BARD1: variants seen among roughly 807,000 people sequenced by gnomAD.
BARD1 encodes the protein BRCA1-associated RING domain protein 1.
Under a neutral mutation model 77.0 loss-of-function variants are expected in BARD1, and 73 were observed. The observed-to-expected ratio is 0.95, with a 90% CI of 0.79 to 1.15. The LOEUF is 1.15. Among genes scored for constraint, BARD1 ranks in the 50% most tolerant of loss-of-function variants. BARD1 has a pLI of 0.00. For missense variants in BARD1, 993 were observed against 938.8 expected (o/e 1.06, Z -0.75); for synonymous variants, 384 against 338.0 (o/e 1.14, Z -1.49).
chr2:214,731,120 T>C (rs999761292), intron 9 of BARD1: 1 of 219,100 alleles, frequency 4.6e-6, no homozygotes, highest in African/African-American at 2.4e-5. Flanking sequence ...TAGAGATGAT[T>C]TGATTGGGCT....
chr2:214,767,242 T>C (rs1417306909), intron 6 of BARD1, among the ~76,000 whole-genome samples: 1 of 152,212 alleles, frequency 6.6e-6, no homozygotes. Flanking sequence ...TTCCCAATTA[T>C]TTTTGATCTG....
intron 1 of BARD1, among the ~76,000 whole-genome samples, chr2:214,808,206 G>A (rs556975726): frequency 2.6e-5 from 4 of 152,300 alleles, no homozygotes; most frequent in South Asian, 2.1e-4. Flanking sequence ...TCAGGAGACG[G>A]AGACCATCCT....
At chr2:214,792,240 G>A (rs1695548111) in intron 3 of BARD1, 57 bp downstream of exon 3, 1 of 1,455,674 alleles carries the variant, frequency 6.9e-7, no homozygotes, top group Non-Finnish European at 9.5e-7. Flanking sequence ...TTATGAATAT[G>A]AATTCATCAG....
intron 9 of BARD1, among the ~76,000 whole-genome samples, chr2:214,741,646 G>A (rs1228579098): frequency 1.3e-5 from 2 of 152,116 alleles, no homozygotes; most frequent in African/African-American, 4.8e-5. Flanking sequence ...TTTTGATGTT[G>A]AAGGAGGGAC....
rs1182316664 is a variant in BARD1 at position 214,809,536 on chromosome 2, G to A, written c.34C>T (p.Pro12Ser). The change falls in exon 1 of 11, where the codon CCG becomes TCG. Residue 12 changes from proline to serine, a missense_variant. Transcript: ENST00000260947. ...GGCTCGTTCCCGGAGCGGATCCTCGGCTGCCGGTTCCTCGGCTGCCGATTA... is the reference window on the plus strand; with the variant it reads ...GGCTCGTTCCCGGAGCGGATCCTCGACTGCCGGTTCCTCGGCTGCCGATTA... Reference protein sequence around the residue: ...PDNRQPRNRQPRIRSGNEPRS... With the variant: ...PDNRQPRNRQSRIRSGNEPRS... 6.3e-7 allele frequency: 1 copy of A among 1,579,970 alleles called. No individual in the cohort carries two copies. Among genetic ancestry groups the A allele is most frequent in the Non-Finnish European group, 8.6e-7 (1 of 1,164,846 alleles).
At chr2:214,736,254 C>T (rs968812292) in intron 9 of BARD1, among the ~76,000 whole-genome samples, 3 of 151,950 alleles carry the variant, frequency 2.0e-5, no homozygotes, top group African/African-American at 7.3e-5. Flanking sequence ...AGAAGCACTG[C>T]CAGTGTGCTG....
chr2:214,780,373 G>A (rs777190537), intron 4 of BARD1, among the ~76,000 whole-genome samples, 187 bp downstream of exon 4: 10 of 152,154 alleles, frequency 6.6e-5, no homozygotes. Flanking sequence ...CCCAGACTCA[G>A]GGGCCACTGC....
rs1341539673 is a variant in BARD1 at position 214,726,884 on chromosome 2, C to T, written c.*1792G>A. 1.3e-5 allele frequency: 3 copies of T among 228,658 alleles called. No individual in the cohort carries two copies. The Admixed American group carries it at 1.7e-4, about 13-fold the overall frequency. 14.2% of individuals were successfully genotyped at this position (228,658 alleles called of 1,614,324 possible). On this transcript the variant is annotated 3_prime_UTR_variant, in exon 11 of 11. Coordinates refer to ENST00000260947, the MANE Select transcript of BARD1 (RefSeq NM_000465.4). The stretch of plus-strand genomic sequence containing the variant: ...AAATGAATGACAAAAACTAAGAGAC[C>T]TCATAGGTGTCTTTACAATCAGGAA...
At chr2:214,754,758 C>A (rs1001776455) in intron 6 of BARD1, among the ~76,000 whole-genome samples, 1 of 152,120 alleles carries the variant, frequency 6.6e-6, no homozygotes, top group African/African-American at 2.4e-5. Context: ...TGCTCACACA[C>A]AATTCACTAA....
At chr2:214,779,597 C>T (rs540012926) in intron 4 of BARD1, among the ~76,000 whole-genome samples, 35 of 152,264 alleles carry the variant, frequency 2.3e-4, no homozygotes, top group African/African-American at 8.4e-4. Context: ...CACAGAAATA[C>T]AGGAATCTTT....
intron 1 of BARD1, 69 bp downstream of exon 1, chr2:214,809,343 G>C: frequency 1.9e-6 from 3 of 1,592,688 alleles, no homozygotes; most frequent in Non-Finnish European, 2.6e-6. Flanking sequence ...GATTTGAAAA[G>C]ATTCTGCCGC....
intron 1 of BARD1, among the ~76,000 whole-genome samples, chr2:214,803,390 G>A (rs1049900942): frequency 2.2e-4 from 34 of 152,198 alleles, no homozygotes; most frequent in African/African-American, 4.3e-4. Context: ...TCTCCTGCCC[G>A]TCCCTGGGCA....
At chr2:214,799,466 CTGGAACTTAA>C (rs1022576771) in intron 1 of BARD1, among the ~76,000 whole-genome samples, 3 of 152,152 alleles carry the variant, frequency 2.0e-5, no homozygotes, top group Non-Finnish European at 4.4e-5. Flanking sequence ...ATTAACTTTA[CTGGAACTTAA>C]TGGTGTAAGT....
Position 214,792,459 on chromosome 2 carries a change from A to G in BARD1, c.216-14T>C, listed in dbSNP as rs775103922. 8 of 86,344 alleles carry G rather than the reference A, an allele frequency of 9.3e-5. No individual in the cohort carries two copies. The highest frequency in any genetic ancestry group is 1.7e-4 in the Non-Finnish European group (8 of 45,782). The allele number at this position is 86,344 out of a possible 1,614,324, so 5.3% of individuals were successfully genotyped here. ...CTTACACAATTACTTTAAAATAATTAAAAAAAAAAAAAAAAGCAACCCATT... is the reference window on the plus strand; with the variant it reads ...CTTACACAATTACTTTAAAATAATTGAAAAAAAAAAAAAAAGCAACCCATT... On this transcript the variant is annotated splice_polypyrimidine_tract_variant and intron_variant, in intron 2 of 10. Transcript: ENST00000260947.
intron 4 of BARD1, among the ~76,000 whole-genome samples, chr2:214,780,115 T>C (rs915692468): frequency 2.0e-5 from 3 of 152,180 alleles, no homozygotes; most frequent in Admixed American, 6.6e-5. Flanking sequence ...GTCCCGGTCA[T>C]TGGAGAAATG....
intron 6 of BARD1, among the ~76,000 whole-genome samples, chr2:214,758,499 T>C (rs1324880668): frequency 6.6e-6 from 1 of 152,214 alleles, no homozygotes; most frequent in Non-Finnish European, 1.5e-5. Flanking sequence ...AATTTTATGA[T>C]ACAATTGATG....
Position 214,752,510 on chromosome 2 carries a change from A to G in BARD1, c.1614T>C (p.Ser538=), listed in dbSNP as rs781448650. 6 of 1,613,712 alleles carry G rather than the reference A, an allele frequency of 3.7e-6. No homozygotes were observed. The East Asian group carries it at 1.1e-4, about 30-fold the overall frequency. ...LRPVDYTDDE[S]MKSLLLLPEK... ...CTGGTAGCAGCAATAGCGATTTCAT[A>G]CTTTCATCATCTGTATAATCGACAG... Residue 538 remains serine (S), a synonymous_variant, in exon 7 of 11, where the codon AGT becomes AGC. Transcript: ENST00000260947.
chr2:214,727,917 GT>G lies in BARD1; in HGVS notation c.*758del, dbSNP rs1692149023. 3 of 216,134 alleles carry G rather than the reference GT, an allele frequency of 1.4e-5. No homozygotes were observed. The highest frequency in any genetic ancestry group is 2.8e-5 in the Non-Finnish European group (3 of 107,428). 13.4% of individuals were successfully genotyped at this position (216,134 alleles called of 1,614,324 possible). On this transcript the variant is annotated 3_prime_UTR_variant, in exon 11 of 11. Transcript: ENST00000260947. ...TTAAAAAATACTAACATTAAAATGT[GT>G]TAGAGAAAATGCTCTAAGTATATAT...
chr2:214,776,338 A>G (rs1314031939), intron 4 of BARD1, among the ~76,000 whole-genome samples: 2 of 152,192 alleles, frequency 1.3e-5, no homozygotes, highest in Non-Finnish European at 2.9e-5. Context: ...TTTGTTTTCT[A>G]TTGGGTTGGT....
Sources: gnomAD v4.1 joint callset for allele counts (sites outside exome capture counted in the v4.1 genomes callset) on GRCh38, gnomAD v4.1.1 for gene constraint, MANE v1.5 for transcripts, NCBI Gene and HGNC (gene_info 2026-07-23, HGNC 2026-07-21) for gene names.